Variants in LYRM4 observed in about 807,000 individuals in gnomAD.
LYRM4 encodes LYR motif containing 4.
A neutral mutation model predicts 11.7 loss-of-function variants in LYRM4; 9 were observed. That is an observed-to-expected ratio of 0.77 (90% CI 0.46 to 1.34). LYRM4 has a LOEUF of 1.34. Among genes scored for constraint, LYRM4 ranks in the 40% most tolerant of loss-of-function variants. The pLI is 0.00. For missense variants in LYRM4, 133 were observed against 112.5 expected, an observed-to-expected ratio of 1.18 and a Z score of -0.82; for synonymous variants, 42 against 40.4, an observed-to-expected ratio of 1.04 and a Z score of -0.15.
At chr6:5,063,551 AC>A in the LYRM4 span, among the ~76,000 whole-genome samples, 1 of 152,132 alleles carries the variant, frequency 6.6e-6, no homozygotes, top group Non-Finnish European at 1.5e-5. Flanking sequence ...CACAATCTGA[AC>A]CCCACTGGAA....
At chr6:5,167,111 T>G (rs2127662076) in intron 2 of LYRM4, among the ~76,000 whole-genome samples, 1 of 152,326 alleles carries the variant, frequency 6.6e-6, no homozygotes, top group East Asian at 1.9e-4. Context: ...TCATGAGGCT[T>G]GAGGCATTTT....
chr6:5,259,095 C>T (rs1424249381), intron 1 of LYRM4, among the ~76,000 whole-genome samples: 6 of 152,098 alleles, frequency 3.9e-5, no homozygotes, highest in African/African-American at 4.8e-5. Context: ...AGTTAGTCTT[C>T]GAGGGCTCCA....
the LYRM4 span, among the ~76,000 whole-genome samples, chr6:5,046,065 T>G: frequency 1.3e-5 from 2 of 152,138 alleles, no homozygotes; most frequent in African/African-American, 4.8e-5. Context: ...GGAAGAAGTC[T>G]CCAGTGTAGG....
chr6:5,128,504 C>G (rs761876550), intron 2 of LYRM4, among the ~76,000 whole-genome samples: 2 of 152,196 alleles, frequency 1.3e-5, no homozygotes, highest in Non-Finnish European at 2.9e-5. Context: ...GCCTGGCTGA[C>G]AGATGGCAGA....
chr6:5,123,938 G>A (rs768037693), intron 2 of LYRM4, among the ~76,000 whole-genome samples: 4 of 152,226 alleles, frequency 2.6e-5, no homozygotes, highest in African/African-American at 7.2e-5. Flanking sequence ...TGAAGATGAC[G>A]TGGATGGGAG....
chr6:5,066,053 T>A, the LYRM4 span: 31 of 396,966 alleles, frequency 7.8e-5, no homozygotes, highest in Non-Finnish European at 6.7e-5. Context: ...GGTGTTAAGT[T>A]CTCGGTAAAT....
At chr6:5,114,482 G>A (rs959329561) in intron 2 of LYRM4, among the ~76,000 whole-genome samples, 25 of 152,168 alleles carry the variant, frequency 1.6e-4, no homozygotes, top group African/African-American at 5.6e-4. Context: ...AACGAAGGCC[G>A]GTGCAGAGAA....
At chr6:5,138,893 C>T (rs1001613598) in intron 2 of LYRM4, among the ~76,000 whole-genome samples, 1 of 152,174 alleles carries the variant, frequency 6.6e-6, no homozygotes, top group African/African-American at 2.4e-5. Context: ...AGACATTTTG[C>T]TCTTCACAAT....
At chr6:5,086,601 T>C in the LYRM4 span, 210 of 1,425,720 alleles carry the variant, frequency 1.5e-4, no homozygotes, top group African/African-American at 2.5e-3. Context: ...CGGGGTTGAT[T>C]AGCACGTGGA....
intron 2 of LYRM4, among the ~76,000 whole-genome samples, chr6:5,192,328 C>T (rs930285543): frequency 6.6e-6 from 1 of 152,096 alleles, no homozygotes; most frequent in African/African-American, 2.4e-5. Flanking sequence ...GAGGCCAGTA[C>T]ATAATGTCCT....
At chr6:5,081,514 T>A in the LYRM4 span, among the ~76,000 whole-genome samples, 1 of 152,160 alleles carries the variant, frequency 6.6e-6, no homozygotes, top group South Asian at 2.1e-4. Flanking sequence ...TCATTCTCTA[T>A]CCCTGTTGCA....
the LYRM4 span, among the ~76,000 whole-genome samples, chr6:5,059,146 G>A: frequency 1.3e-5 from 2 of 151,878 alleles, no homozygotes; most frequent in African/African-American, 4.8e-5. Context: ...TTCAAGACTA[G>A]CATGGGCAAT....
intron 1 of LYRM4, among the ~76,000 whole-genome samples, chr6:5,224,963 A>C (rs1762790672): frequency 6.8e-6 from 1 of 147,582 alleles, no homozygotes; most frequent in African/African-American, 2.5e-5. Context: ...TGTCTGAAAA[A>C]ATAGGCTGGG....
chr6:5,240,168 G>A (rs533587002), intron 1 of LYRM4, among the ~76,000 whole-genome samples: 2 of 152,050 alleles, frequency 1.3e-5, no homozygotes, highest in Non-Finnish European at 2.9e-5. Flanking sequence ...TCTCCTTACA[G>A]TACATCCAAC....
chr6:5,122,786 G>A (rs1763518014), intron 2 of LYRM4, among the ~76,000 whole-genome samples: 1 of 152,174 alleles, frequency 6.6e-6, no homozygotes, highest in Non-Finnish European at 1.5e-5. Flanking sequence ...GACAAACGAG[G>A]CAGACATCCC....
intron 2 of LYRM4, among the ~76,000 whole-genome samples, chr6:5,145,150 G>GTTGGCATTCCGTC (rs1307686893): frequency 5.9e-5 from 9 of 152,362 alleles, no homozygotes; most frequent in African/African-American, 2.2e-4. Context: ...CAATCCATGT[G>GTTGGCATTCCGTC]TTGGCATTCC....
At chr6:5,248,550 C>G (rs1292061139) in intron 1 of LYRM4, among the ~76,000 whole-genome samples, 2 of 152,256 alleles carry the variant, frequency 1.3e-5, no homozygotes, top group Non-Finnish European at 2.9e-5. Context: ...ATCAGCAACA[C>G]AGAGTGCTAG....
the LYRM4 span, among the ~76,000 whole-genome samples, chr6:5,057,934 T>C: frequency 6.6e-6 from 1 of 152,012 alleles, no homozygotes; most frequent in South Asian, 2.1e-4. Flanking sequence ...TTATTTTTTG[T>C]AGAGATGGGG....
intron 2 of LYRM4, among the ~76,000 whole-genome samples, chr6:5,115,061 C>T (rs759782447): frequency 1.1e-4 from 17 of 152,162 alleles, no homozygotes; most frequent in Non-Finnish European, 2.2e-4. Context: ...GGAATATTTT[C>T]AGTAACTGTA....
Sources: allele counts gnomAD v4.1 joint callset (sites outside exome capture counted in the v4.1 genomes callset), GRCh38; gene constraint gnomAD v4.1.1; transcripts MANE v1.5; gene names NCBI Gene and HGNC (gene_info 2026-07-23, HGNC 2026-07-21).